The following ZNF45 variants were observed in gnomAD, a reference collection of about 807,000 sequenced individuals.
ZNF45 encodes the protein BRC1744.
A neutral mutation model predicts 12.0 loss-of-function variants in ZNF45; 4 were observed. The ratio of observed to expected loss-of-function variants is 0.33; its 90% confidence interval spans 0.16 to 0.76. The LOEUF (loss-of-function observed/expected upper bound fraction) is 0.76. Among genes scored for constraint, ZNF45 ranks in the 30% least tolerant of loss-of-function variants. The pLI, the probability that ZNF45 is intolerant of heterozygous loss-of-function variation, is 0.60. For synonymous variants in ZNF45, 272 were observed against 279.6 expected (o/e 0.97, Z 0.27); for missense variants, 700 against 813.0 (o/e 0.86, Z 1.69).
At position 43,913,048 on chromosome 19, in the gene ZNF45, G is replaced by A. The variant is rs7260473; in HGVS notation, c.*339C>T. The A allele has an allele frequency of 0.045, 9,381 of 207,358 alleles. 873 individuals carry two copies. Among genetic ancestry groups the A allele is most frequent in the African/African-American group, 0.2 (8,659 of 43,584 alleles). 12.8% of individuals were successfully genotyped at this position (207,358 alleles called of 1,614,324 possible). A position where few individuals can be genotyped will look rare whatever the true frequency, so the allele number is the denominator to read the frequency against. ...TCAAATACTACTGAAAAATTACAAC[G>A]TATTAGGCACTGAAAAGGCAGAGTA... On this transcript the variant is annotated 3_prime_UTR_variant, in exon 10 of 10. Transcript: ENST00000269973.
rs1974219432 is a variant in ZNF45, at chr19:43,932,592, T to C, written c.-400+12A>G. Reference sequence around the variant, plus strand: ...TCCAGATGCCTGTTGGAGAGCTACATGAATCACTTACTCACTGAATAACTC... The same window carrying C: ...TCCAGATGCCTGTTGGAGAGCTACACGAATCACTTACTCACTGAATAACTC... On this transcript the variant is annotated intron_variant, in intron 3 of 9. Transcript: ENST00000269973. 1 of 152,216 alleles carries C rather than the reference T, an allele frequency of 6.6e-6. No individual in the cohort carries two copies. The highest frequency in any genetic ancestry group is 1.5e-5 in the Non-Finnish European group (1 of 68,042). 9.4% of individuals were successfully genotyped at this position (152,216 alleles called of 1,614,324 possible).
chr19:43,927,122 T>C (rs1973746731), intron 3 of ZNF45, among the ~76,000 whole-genome samples: 2 of 152,168 alleles, frequency 1.3e-5, no homozygotes, highest in African/African-American at 4.8e-5. Context: ...CTGTAGATAA[T>C]TTCGGTCTCC....
chr19:43,914,290 G>A lies in ZNF45; in HGVS notation c.1146C>T (p.His382=), dbSNP rs760148450. ...GSHLQAHQIS[H]TGEKPYKCEE... ...CACATTTGTATGGCTTCTCTCCAGT[G>A]TGGCTTATCTGATGGGCCTGAAGGT... is the stretch of plus-strand genomic sequence containing the variant. The change falls in exon 10 of 10, where the codon CAC becomes CAT. Residue 382 remains histidine (H), a synonymous_variant. Coordinates refer to ENST00000269973, the MANE Select transcript of ZNF45 (RefSeq NM_003425.4). 2 of 1,612,492 alleles carry A rather than the reference G, an allele frequency of 1.2e-6. No homozygotes were observed. Among genetic ancestry groups the A allele is most frequent in the East Asian group, 4.5e-5 (2 of 44,806 alleles).
Position 43,915,511 on chromosome 19 carries a change from G to T in ZNF45, c.236-311C>A, listed in dbSNP as rs181467341. On this transcript the variant is annotated intron_variant, in intron 9 of 9. Transcript: ENST00000269973. Reference sequence around the variant, plus strand: ...GAAAATACCTTATCACCTAAGTCAGGGCCCCCAACCCCTGGGCCGTGGATC... The same window carrying T: ...GAAAATACCTTATCACCTAAGTCAGTGCCCCCAACCCCTGGGCCGTGGATC... 8.8e-4 allele frequency among the ~76,000 whole-genome samples: 134 copies of T among 152,226 alleles called. 1 individual carries two copies. Among genetic ancestry groups the T allele is most frequent in the Admixed American group, 8.6e-3 (131 of 15,282 alleles).
Position 43,914,140 on chromosome 19 carries a change from G to A in ZNF45, c.1296C>T (p.Asn432=). Residue 432 remains asparagine (N), a synonymous_variant, in exon 10 of 10, where the codon AAC becomes AAT. Transcript: ENST00000269973. ...GKGFSRSSDF[N]IHFRVHTGEK... is the part of the protein sequence containing the mutation. ...CCCCTGTATGGACTCTAAAATGAAT[G>A]TTAAAATCTGAGCTACGACTGAAGC... The A allele has an allele frequency of 6.2e-7, 1 of 1,612,762 alleles. No homozygotes were observed. The highest frequency in any genetic ancestry group is 2.2e-5 in the East Asian group (1 of 44,736).
At chr19:43,926,697 C>T (rs183041560) in intron 3 of ZNF45, among the ~76,000 whole-genome samples, 1 of 152,268 alleles carries the variant, frequency 6.6e-6, no homozygotes, top group African/African-American at 2.4e-5. Context: ...GGAATGGGCT[C>T]ATAAGCCCAC....
chr19:43,935,059 C>T lies in ZNF45; in HGVS notation c.-891G>A, dbSNP rs1974401967. The T allele has an allele frequency of 6.6e-6, 1 of 152,272 alleles. No homozygotes were observed. Among genetic ancestry groups the T allele is most frequent in the African/African-American group, 2.4e-5 (1 of 41,438 alleles). The allele number at this position is 152,272 out of a possible 1,614,324, so 9.4% of individuals were successfully genotyped here. A position where few individuals can be genotyped will look rare whatever the true frequency, so the allele number is the denominator to read the frequency against. On this transcript the variant is annotated 5_prime_UTR_variant, in exon 1 of 10. Coordinates refer to ENST00000269973, the MANE Select transcript of ZNF45 (RefSeq NM_003425.4). ...CAACCAGGGGACTCCCGAACCGCCC[C>T]GAACGCAGCAGCTCCGGATACAGTA...
Position 43,914,105 on chromosome 19 carries a change from T to C in ZNF45, c.1331A>G (p.Tyr444Cys), listed in dbSNP as rs373865298. 7.4e-6 allele frequency: 12 copies of C among 1,614,056 alleles called. No homozygotes were observed. In the African/African-American group the frequency reaches 8.0e-5, roughly 11 times the overall value. ...GCCCTTGCCACACTCCTCACATTTA[T>C]AGGGTTTTTCCCCTGTATGGACTCT... ...HFRVHTGEKP[Y>C]KCEECGKGFS... Residue 444 changes from tyrosine to cysteine, a missense_variant, in exon 10 of 10, where the codon TAT becomes TGT. Tyr to Cys is a radical substitution (Grantham distance 194). Transcript: ENST00000269973.
intron 4 of ZNF45, among the ~76,000 whole-genome samples, chr19:43,924,973 G>C (rs550993755): frequency 6.6e-6 from 1 of 152,302 alleles, no homozygotes; most frequent in Non-Finnish European, 1.5e-5. Context: ...TGCTGCTGTG[G>C]ACCAATGTCT....
chr19:43,913,380 A>C lies in ZNF45; in HGVS notation c.*7T>G. The C allele has an allele frequency of 1.3e-6, 2 of 1,528,482 alleles. No homozygotes were observed. The highest frequency in any genetic ancestry group is 1.8e-6 in the Non-Finnish European group (2 of 1,140,152). The allele number at this position is 1,528,482 out of a possible 1,614,324, so 94.7% of individuals were successfully genotyped here. A position where few individuals can be genotyped will look rare whatever the true frequency, so the allele number is the denominator to read the frequency against. On this transcript the variant is annotated 3_prime_UTR_variant, in exon 10 of 10. Coordinates refer to ENST00000269973, the MANE Select transcript of ZNF45 (RefSeq NM_003425.4). ...TTCAGCACCCATCTGAGATAGTAAA[A>C]CATATTTTATCGAGTTTTCCTGTGT...
intron 3 of ZNF45, among the ~76,000 whole-genome samples, chr19:43,931,623 C>T (rs1304290234): frequency 1.3e-5 from 2 of 152,124 alleles, no homozygotes; most frequent in East Asian, 3.9e-4. Flanking sequence ...AGATGAAGGC[C>T]AGCTTTAGTC....
At chr19:43,926,028 T>C (rs928272481) in intron 3 of ZNF45, among the ~76,000 whole-genome samples, 1 of 152,246 alleles carries the variant, frequency 6.6e-6, no homozygotes, top group Non-Finnish European at 1.5e-5. Flanking sequence ...GGGGATATAT[T>C]TCCATCGCCT....
chr19:43,923,504 A>G (rs1973393632), intron 6 of ZNF45, among the ~76,000 whole-genome samples: 5 of 152,198 alleles, frequency 3.3e-5, no homozygotes, highest in Admixed American at 3.3e-4. Flanking sequence ...AAAACATAGT[A>G]TATTTAGGGT....
At chr19:43,934,799 A>G (rs1238040287) in intron 1 of ZNF45, 105 bp from the exon 2 acceptor site, 1 of 152,258 alleles carries the variant, frequency 6.6e-6, no homozygotes, top group Admixed American at 6.5e-5. Flanking sequence ...TTCCTGTACT[A>G]TTCCATACAC....
intron 3 of ZNF45, among the ~76,000 whole-genome samples, chr19:43,927,751 T>A (rs1238049055): frequency 3.3e-5 from 5 of 151,744 alleles, no homozygotes; most frequent in African/African-American, 4.8e-5. Context: ...ACATAGAAAA[T>A]TTTTTTTTGT....
chr19:43,922,587 A>G (rs576154987), intron 6 of ZNF45, among the ~76,000 whole-genome samples: 2 of 152,214 alleles, frequency 1.3e-5, no homozygotes, highest in South Asian at 2.1e-4. Context: ...TGGCATTGCT[A>G]TTTATTCGCT....
Position 43,933,453 on chromosome 19 carries a change from C to CA in ZNF45, c.-486-764dup, listed in dbSNP as rs1049211400. ...TGGGCAACAGAGCAAGATTCCATCT[C>CA]AAAAAAAACAAAAAACAAAAAACAC... On this transcript the variant is annotated intron_variant, in intron 2 of 9. Coordinates refer to ENST00000269973, the MANE Select transcript of ZNF45 (RefSeq NM_003425.4). Among the ~76,000 whole-genome samples the CA allele has an allele frequency of 7.9e-4, 119 of 150,706 alleles. No individual in the cohort carries two copies. In the Middle Eastern group the frequency reaches 0.014, roughly 17 times the overall value.
At chr19:43,931,552 C>T (rs1053701687) in intron 3 of ZNF45, among the ~76,000 whole-genome samples, 1 of 150,666 alleles carries the variant, frequency 6.6e-6, no homozygotes, top group South Asian at 2.1e-4. Context: ...AAAATGTATA[C>T]ATATATATAT....
chr19:43,914,680 C>T lies in ZNF45; in HGVS notation c.756G>A (p.Glu252=), dbSNP rs1972491397. The T allele has an allele frequency of 2.5e-6, 4 of 1,614,082 alleles. No individual in the cohort carries two copies. Among genetic ancestry groups the T allele is most frequent in the Non-Finnish European group, 3.4e-6 (4 of 1,180,032 alleles). ...AGCTTTTCCCAACATTCCTCCCACA[C>T]TCTTCATATTTGTATGGATTCTCTC... ...PTGENPYKYE[E]CGRNVGKSSH... Residue 252 remains glutamate, a synonymous_variant, in exon 10 of 10, where the codon GAG becomes GAA. Coordinates refer to ENST00000269973, the MANE Select transcript of ZNF45 (RefSeq NM_003425.4).
Sources: gnomAD v4.1 joint callset for allele counts (sites outside exome capture counted in the v4.1 genomes callset) on GRCh38, gnomAD v4.1.1 for gene constraint, MANE v1.5 for transcripts, NCBI Gene and HGNC (gene_info 2026-07-23, HGNC 2026-07-21) for gene names.